The following LYPLAL1 variants were observed in gnomAD, a reference collection of about 807,000 sequenced individuals.
The protein encoded by LYPLAL1 is lysophospholipase-like protein 1.
LYPLAL1 carries 23 observed loss-of-function variants against 19.7 expected under a neutral mutation model. The ratio of observed to expected loss-of-function variants is 1.17; its 90% CI spans 0.84 to 1.65. LYPLAL1 has a LOEUF of 1.65. Ranked by LOEUF, LYPLAL1 falls within the 40% of genes most tolerant of loss-of-function variation. The probability of loss-of-function intolerance (pLI) is 0.00; values close to 1 mark genes in which losing one functional copy is unlikely to be tolerated. For synonymous variants in LYPLAL1, 119 were observed against 96.3 expected (o/e 1.24, Z -1.38); for missense variants, 355 against 279.4 (o/e 1.27, Z -1.93).
At chr1:219,175,215 T>G (rs1655715681) in intron 1 of LYPLAL1, among the ~76,000 whole-genome samples, 1 of 152,150 alleles carries the variant, frequency 6.6e-6, no homozygotes, top group Non-Finnish European at 1.5e-5. Context: ...CTCTCCGACC[T>G]CAAACTCAGG....
chr1:219,412,191 A>G, the LYPLAL1 span, among the ~76,000 whole-genome samples: 1 of 152,082 alleles, frequency 6.6e-6, no homozygotes, highest in African/African-American at 2.4e-5. Context: ...ACACACCACC[A>G]TACCCAGCTA....
At chr1:219,179,364 G>T in intron 2 of LYPLAL1, 118 bp downstream of exon 2, 2 of 760,350 alleles carry the variant, frequency 2.6e-6, no homozygotes, top group Non-Finnish European at 4.3e-6. Context: ...CTTTAAATTA[G>T]AGTACTTTGT....
At chr1:219,440,498 G>A in the LYPLAL1 span, among the ~76,000 whole-genome samples, 1 of 152,012 alleles carries the variant, frequency 6.6e-6, no homozygotes, top group Non-Finnish European at 1.5e-5. Flanking sequence ...AAGGACTCAG[G>A]AGCCATCCTG....
At chr1:219,191,850 A>G (rs1301597967) in intron 2 of LYPLAL1, among the ~76,000 whole-genome samples, 3 of 151,698 alleles carry the variant, frequency 2.0e-5, no homozygotes, top group African/African-American at 4.8e-5. Flanking sequence ...AAATTTTAGA[A>G]AATGTGTTAC....
the LYPLAL1 span, among the ~76,000 whole-genome samples, chr1:219,394,656 G>A: frequency 1.3e-3 from 201 of 152,198 alleles, 1 homozygote; most frequent in Non-Finnish European, 2.4e-3. Flanking sequence ...TTAAGTCCAG[G>A]GGTATATGTG....
At chr1:219,354,215 G>C in the LYPLAL1 span, among the ~76,000 whole-genome samples, 1 of 152,044 alleles carries the variant, frequency 6.6e-6, no homozygotes, top group Non-Finnish European at 1.5e-5. Flanking sequence ...TTTTTAAATT[G>C]AGATGCAGTC....
At chr1:219,410,126 G>A in the LYPLAL1 span, 2 of 152,102 alleles carry the variant, frequency 1.3e-5, no homozygotes, top group Non-Finnish European at 2.9e-5. Flanking sequence ...CTCTTTAGAA[G>A]GCTCACATTG....
chr1:219,228,337 T>G, the LYPLAL1 span, among the ~76,000 whole-genome samples: 1 of 152,072 alleles, frequency 6.6e-6, no homozygotes, highest in African/African-American at 2.4e-5. Context: ...GCACATGTCT[T>G]TATGGAGAGC....
chr1:219,440,282 TTTC>T, the LYPLAL1 span, among the ~76,000 whole-genome samples: 1 of 152,018 alleles, frequency 6.6e-6, no homozygotes. Context: ...CTCATGATAA[TTTC>T]TTCTTTTAAA....
At chr1:219,296,797 C>G in the LYPLAL1 span, among the ~76,000 whole-genome samples, 2 of 152,142 alleles carry the variant, frequency 1.3e-5, no homozygotes, top group African/African-American at 2.4e-5. Flanking sequence ...TCTTACTGAG[C>G]TTTTCTGGCC....
chr1:219,279,494 A>G, the LYPLAL1 span, among the ~76,000 whole-genome samples: 3 of 152,310 alleles, frequency 2.0e-5, no homozygotes, highest in South Asian at 6.2e-4. Context: ...AGCATGAAAG[A>G]CATTTGTGTG....
downstream of LYPLAL1, among the ~76,000 whole-genome samples, chr1:219,214,807 A>T (rs1027761763): frequency 2.7e-5 from 4 of 150,352 alleles, no homozygotes; most frequent in African/African-American, 9.8e-5. Flanking sequence ...TTTGTACCTC[A>T]GCCTCCCAAG....
the LYPLAL1 span, among the ~76,000 whole-genome samples, chr1:219,296,086 A>G: frequency 6.6e-6 from 1 of 152,238 alleles, no homozygotes; most frequent in Non-Finnish European, 1.5e-5. Context: ...ATACATGGTG[A>G]AAATTTTCTA....
At chr1:219,338,773 CT>C in the LYPLAL1 span, among the ~76,000 whole-genome samples, 1 of 151,702 alleles carries the variant, frequency 6.6e-6, no homozygotes, top group South Asian at 2.1e-4. Context: ...AACTCCATGC[CT>C]TAGATATTTT....
At chr1:219,265,385 A>G in the LYPLAL1 span, among the ~76,000 whole-genome samples, 1 of 152,218 alleles carries the variant, frequency 6.6e-6, no homozygotes, top group Admixed American at 6.5e-5. Flanking sequence ...ATGAATCATA[A>G]ACAAGTACAT....
At chr1:219,372,947 G>A in the LYPLAL1 span, among the ~76,000 whole-genome samples, 1 of 151,956 alleles carries the variant, frequency 6.6e-6, no homozygotes, top group Non-Finnish European at 1.5e-5. Flanking sequence ...TTTTCTCCAG[G>A]AAAGCAATTG....
At chr1:219,311,629 C>G in the LYPLAL1 span, among the ~76,000 whole-genome samples, 5 of 151,504 alleles carry the variant, frequency 3.3e-5, no homozygotes, top group Non-Finnish European at 5.9e-5. Flanking sequence ...TAGTAGTTCC[C>G]TAATACAGAT....
At chr1:219,300,624 T>C in the LYPLAL1 span, among the ~76,000 whole-genome samples, 1 of 143,890 alleles carries the variant, frequency 6.9e-6, no homozygotes, top group African/African-American at 2.6e-5. Context: ...AAGCTCTGCC[T>C]CCTGGGTTCA....
chr1:219,439,388 T>C, the LYPLAL1 span, among the ~76,000 whole-genome samples: 3 of 152,186 alleles, frequency 2.0e-5, no homozygotes, highest in African/African-American at 7.2e-5. Flanking sequence ...CAACACCTCC[T>C]CATGAATCAC....
Sources: allele counts gnomAD v4.1 joint callset (sites outside exome capture counted in the v4.1 genomes callset), GRCh38; gene constraint gnomAD v4.1.1; transcripts MANE v1.5; gene names NCBI Gene and HGNC (gene_info 2026-07-23, HGNC 2026-07-21).